The following DIAPH1 variants were observed in gnomAD, a reference collection of about 807,000 sequenced individuals.
DIAPH1 encodes protein diaphanous homolog 1.
A neutral mutation model predicts 140.7 loss-of-function variants in DIAPH1; 46 were observed. The observed-to-expected ratio is 0.33, with a 90% CI of 0.26 to 0.42. DIAPH1 has a LOEUF of 0.42. DIAPH1 is among the 10% of genes least tolerant of loss of function. DIAPH1 has a pLI of 1.00. For synonymous variants in DIAPH1, 565 were observed against 551.6 expected (o/e 1.02, Z -0.34); for missense variants, 1,310 against 1,558.7 (o/e 0.84, Z 2.69).
intron 1 of DIAPH1, chr5:141,618,327 G>A (rs1373897925): frequency 6.5e-6 from 1 of 153,052 alleles, no homozygotes; most frequent in African/African-American, 2.4e-5. Context: ...CGGGAGGAAA[G>A]TTAGCAGGTA....
At chr5:141,536,729 C>T (rs931586787) in intron 18 of DIAPH1, among the ~76,000 whole-genome samples, 1 of 152,086 alleles carries the variant, frequency 6.6e-6, no homozygotes, top group East Asian at 1.9e-4. Context: ...GCATTCCAGG[C>T]AGAGGCAATA....
At position 141,583,743 on chromosome 5, in the gene DIAPH1, G is replaced by A. The variant is rs563055859; in HGVS notation, c.403-128C>T. 2.5e-5 allele frequency: 33 copies of A among 1,317,200 alleles called. No individual in the cohort carries two copies. The East Asian group carries it at 4.0e-4, about 16-fold the overall frequency. The allele number at this position is 1,317,200 out of a possible 1,614,324, so 81.6% of individuals were successfully genotyped here. ...TTTAGCAGAGACAAGGTCTTACTAC[G>A]TTGCCCAGGCTGATTTCAAACTCCT... On this transcript the variant is annotated intron_variant, in intron 4 of 27. Transcript: ENST00000389054.
intron 3 of DIAPH1, among the ~76,000 whole-genome samples, chr5:141,585,104 C>T (rs1373739359): frequency 2.0e-5 from 3 of 151,930 alleles, no homozygotes; most frequent in Non-Finnish European, 4.4e-5. Context: ...TTACAGGCGC[C>T]CGCCACCACA....
chr5:141,616,158 T>C (rs1003427810), intron 1 of DIAPH1, among the ~76,000 whole-genome samples: 3 of 152,210 alleles, frequency 2.0e-5, no homozygotes, highest in Non-Finnish European at 2.9e-5. Flanking sequence ...CATGTGTTTT[T>C]AAAAGATGAT....
At chr5:141,618,636 A>G (rs2154597553) in intron 1 of DIAPH1, 162 bp downstream of exon 1, 1 of 529,860 alleles carries the variant, frequency 1.9e-6, no homozygotes, top group Non-Finnish European at 3.4e-6. Context: ...CGAGGTCCCG[A>G]AGGGAGAGGA....
At chr5:141,601,291 G>C (rs1040119316) in intron 1 of DIAPH1, among the ~76,000 whole-genome samples, 1 of 131,452 alleles carries the variant, frequency 7.6e-6, no homozygotes, top group Admixed American at 7.4e-5. Context: ...AAAAAAAAAA[G>C]AACTACTCCC....
intron 19 of DIAPH1, 85 bp downstream of exon 19, chr5:141,534,250 T>G: frequency 9.3e-7 from 1 of 1,080,028 alleles, no homozygotes; most frequent in African/African-American, 1.5e-5. Flanking sequence ...AAGTTCCATA[T>G]CAAGGGACCA....
chr5:141,539,157 A>G (rs2154595264), intron 18 of DIAPH1, among the ~76,000 whole-genome samples: 1 of 152,046 alleles, frequency 6.6e-6, no homozygotes, highest in East Asian at 2.0e-4. Flanking sequence ...CACACCTGTA[A>G]TCCTAGCTAT....
At chr5:141,560,171 T>C (rs1227842214) in intron 18 of DIAPH1, among the ~76,000 whole-genome samples, 1 of 152,234 alleles carries the variant, frequency 6.6e-6, no homozygotes, top group African/African-American at 2.4e-5. Flanking sequence ...TACTGGTTGA[T>C]AAAATTTAAA....
At chr5:141,522,923 A>C (rs938653173) in intron 27 of DIAPH1, among the ~76,000 whole-genome samples, 11 of 152,202 alleles carry the variant, frequency 7.2e-5, no homozygotes, top group African/African-American at 2.7e-4. Context: ...AACCCTCAGA[A>C]GGGAGTATCA....
chr5:141,568,345 A>G (rs1228066337), intron 18 of DIAPH1, among the ~76,000 whole-genome samples: 1 of 152,200 alleles, frequency 6.6e-6, no homozygotes, highest in Non-Finnish European at 1.5e-5. Flanking sequence ...AAATTCAAAA[A>G]GAGTCAACAA....
At chr5:141,518,854 T>C in intron 27 of DIAPH1, 1 of 1,289,756 alleles carries the variant, frequency 7.8e-7, no homozygotes, top group South Asian at 1.3e-5. Context: ...CTTCTCTCCC[T>C]GCAGAGCCAT....
Position 141,575,142 on chromosome 5 carries a change from T to C in DIAPH1, c.1466A>G (p.Asp489Gly). 1 of 1,614,076 alleles carries C rather than the reference T, an allele frequency of 6.2e-7. No individual in the cohort carries two copies. Residue 489 changes from aspartate (D) to glycine (G), a missense_variant, in exon 15 of 28, where the codon GAC (aspartate) becomes GGC (glycine). By Grantham distance (94) the Asp-to-Gly change is moderately conservative. Transcript: ENST00000389054. Reference protein sequence around the residue: ...AKAAELEKKLDSELTARHELQ... With the variant: ...AKAAELEKKLGSELTARHELQ... Reference sequence around the variant, plus strand: ...CTCATGTCGGGCTGTTAACTCTGAGTCCAACTAGAGAAAAAACGAATCAGG... The same window carrying C: ...CTCATGTCGGGCTGTTAACTCTGAGCCCAACTAGAGAAAAAACGAATCAGG...
chr5:141,566,478 GT>G lies in DIAPH1; in HGVS notation c.2482+4949del, dbSNP rs1219007228. Among the ~76,000 whole-genome samples the G allele has an allele frequency of 3.3e-5, 5 of 152,292 alleles. No homozygotes were observed. The East Asian group carries it at 9.7e-4, about 29-fold the overall frequency. On this transcript the variant is annotated intron_variant, in intron 18 of 27. Coordinates refer to ENST00000389054, the MANE Select transcript of DIAPH1 (RefSeq NM_005219.5). ...GATGTCATAAGATTTGAAATTGTTG[GT>G]TTTTAGGAATTGTTTCCTTTTAGTA...
At chr5:141,525,534 G>T (rs2099887202) in intron 26 of DIAPH1, among the ~76,000 whole-genome samples, 1 of 152,114 alleles carries the variant, frequency 6.6e-6, no homozygotes, top group Non-Finnish European at 1.5e-5. Flanking sequence ...AGGGTGACCG[G>T]CTCCCCACCC....
chr5:141,584,965 T>G (rs1339943990), intron 3 of DIAPH1, among the ~76,000 whole-genome samples: 1 of 152,104 alleles, frequency 6.6e-6, no homozygotes, highest in African/African-American at 2.4e-5. Flanking sequence ...GGTGGGTTTT[T>G]TTTTTTTGAG....
chr5:141,612,896 C>T (rs533047207), intron 1 of DIAPH1, among the ~76,000 whole-genome samples: 2 of 152,316 alleles, frequency 1.3e-5, no homozygotes, highest in East Asian at 3.9e-4. Context: ...CTTTGGTTTT[C>T]TGTGACCTTC....
At chr5:141,543,060 C>T (rs1160886188) in intron 18 of DIAPH1, among the ~76,000 whole-genome samples, 2 of 148,024 alleles carry the variant, frequency 1.4e-5, no homozygotes, top group Non-Finnish European at 3.0e-5. Flanking sequence ...GTTGGTACTT[C>T]ATCTCAGTTT....
intron 24 of DIAPH1, 70 bp downstream of exon 24, chr5:141,527,503 T>C: frequency 6.4e-7 from 1 of 1,568,012 alleles, no homozygotes; most frequent in Non-Finnish European, 8.7e-7. Context: ...ATCTATCCTG[T>C]TTTTCCCCCA....
Sources: allele counts gnomAD v4.1 joint callset (sites outside exome capture counted in the v4.1 genomes callset), GRCh38; gene constraint gnomAD v4.1.1; transcripts MANE v1.5; gene names NCBI Gene and HGNC (gene_info 2026-07-23, HGNC 2026-07-21).